The following DPYD variants were observed in gnomAD, a reference collection of about 807,000 sequenced individuals.
DPYD encodes dihydropyrimidine dehydrogenase.
DPYD carries 109 observed loss-of-function variants against 116.2 expected under a neutral mutation model. The ratio of observed to expected loss-of-function variants is 0.94; its 90% CI spans 0.80 to 1.10. The LOEUF is 1.10. DPYD is among the 50% of genes least tolerant of loss of function. The pLI is 0.00. For synonymous variants in DPYD, 440 were observed against 432.0 expected (o/e 1.02, Z -0.23); for missense variants, 1,302 against 1,254.5 (o/e 1.04, Z -0.57).
chr1:97,558,594 T>C (rs1447551213), intron 11 of DPYD, among the ~76,000 whole-genome samples: 1 of 152,178 alleles, frequency 6.6e-6, no homozygotes, highest in Non-Finnish European at 1.5e-5. Flanking sequence ...AATATGCTAG[T>C]AGAATTCAGT....
At chr1:97,661,722 T>C (rs1476734984) in intron 8 of DPYD, among the ~76,000 whole-genome samples, 3 of 152,130 alleles carry the variant, frequency 2.0e-5, no homozygotes, top group Non-Finnish European at 2.9e-5. Flanking sequence ...CATATCACTT[T>C]TATGATGAAC....
intron 13 of DPYD, among the ~76,000 whole-genome samples, chr1:97,466,646 A>G (rs1677339482): frequency 6.6e-6 from 1 of 152,132 alleles, no homozygotes; most frequent in South Asian, 2.1e-4. Context: ...ACCTTTTTCA[A>G]AAATGTTCTT....
In DPYD at chr1:97,289,959, C is replaced by T. The variant is rs1459066991; in HGVS notation, c.2299+15300G>A. Among the ~76,000 whole-genome samples the T allele has an allele frequency of 3.3e-5, 5 of 152,126 alleles. No homozygotes were observed. In the South Asian group the frequency reaches 8.3e-4, roughly 25 times the overall value. On this transcript the variant is annotated intron_variant, in intron 18 of 22. Coordinates refer to ENST00000370192, the MANE Select transcript of DPYD (RefSeq NM_000110.4). ...AAACCCCATTGTCTCAGCCCAAAAT[C>T]TCCTTAAGCTGATAAGCAACTTCAG...
At chr1:97,233,348 T>C (rs1239021243) in intron 19 of DPYD, among the ~76,000 whole-genome samples, 1 of 152,110 alleles carries the variant, frequency 6.6e-6, no homozygotes, top group Non-Finnish European at 1.5e-5. Flanking sequence ...AGACCTCCTC[T>C]ACTACTACTG....
At chr1:97,196,580 G>A (rs551325126) in intron 19 of DPYD, among the ~76,000 whole-genome samples, 4 of 152,134 alleles carry the variant, frequency 2.6e-5, no homozygotes, top group Admixed American at 6.6e-5. Flanking sequence ...AACATGATGC[G>A]GGCTCTTCTT....
At position 97,133,424 on chromosome 1, in the gene DPYD, C is replaced by G. The variant is rs569203479; in HGVS notation, c.2623-34792G>C. Among the ~76,000 whole-genome samples, 6 of 152,038 alleles carry G rather than the reference C, an allele frequency of 3.9e-5. No individual in the cohort carries two copies. In the South Asian group the frequency reaches 1.2e-3, roughly 32 times the overall value. The stretch of plus-strand genomic sequence containing the variant: ...TGCAGGGGAATCTGCTTGTTAGTGT[C>G]TTTTTCCTTTTTGTTGCTTTTAAAA... On this transcript the variant is annotated intron_variant, in intron 20 of 22. Coordinates refer to ENST00000370192, the MANE Select transcript of DPYD (RefSeq NM_000110.4).
intron 16 of DPYD, among the ~76,000 whole-genome samples, chr1:97,336,746 A>G (rs944981305): frequency 2.0e-5 from 3 of 152,162 alleles, no homozygotes; most frequent in Admixed American, 6.5e-5. Flanking sequence ...GCAAAACTCC[A>G]TCTCAAAACA....
At chr1:97,305,446 C>A (rs1667102324) in intron 17 of DPYD, 68 bp from the exon 18 acceptor site, 1 of 1,603,528 alleles carries the variant, frequency 6.2e-7, no homozygotes, top group Admixed American at 1.7e-5. Context: ...CCATTCAAAC[C>A]CTCACATCCC....
intron 10 of DPYD, among the ~76,000 whole-genome samples, chr1:97,582,942 T>G (rs1653794311): frequency 6.6e-6 from 1 of 152,118 alleles, no homozygotes; most frequent in South Asian, 2.1e-4. Flanking sequence ...TACATCTCTT[T>G]TAACAAGTAA....
intron 8 of DPYD, among the ~76,000 whole-genome samples, chr1:97,651,839 T>C (rs1256673791): frequency 6.6e-6 from 1 of 152,150 alleles, no homozygotes; most frequent in Non-Finnish European, 1.5e-5. Flanking sequence ...TCTATGAATA[T>C]ATTTAATATC....
intron 13 of DPYD, among the ~76,000 whole-genome samples, chr1:97,493,970 A>G (rs1469552066): frequency 6.6e-6 from 1 of 152,202 alleles, no homozygotes; most frequent in African/African-American, 2.4e-5. Flanking sequence ...GACTGTAGGG[A>G]CAGACAGAAG....
intron 13 of DPYD, among the ~76,000 whole-genome samples, chr1:97,485,259 A>G (rs1678554301): frequency 6.6e-6 from 1 of 152,070 alleles, no homozygotes; most frequent in Admixed American, 6.6e-5. Flanking sequence ...GTGCAGTGGA[A>G]CAATCAATCT....
intron 14 of DPYD, among the ~76,000 whole-genome samples, chr1:97,387,227 C>T (rs538057889): frequency 2.0e-5 from 3 of 152,172 alleles, no homozygotes; most frequent in Admixed American, 6.6e-5. Context: ...TTATGTTACA[C>T]AGTCTGGTGG....
chr1:97,332,603 C>A (rs1021243702), intron 16 of DPYD, among the ~76,000 whole-genome samples: 1 of 152,118 alleles, frequency 6.6e-6, no homozygotes, highest in Non-Finnish European at 1.5e-5. Flanking sequence ...TAGTTACCAA[C>A]AAAACGATAG....
intron 7 of DPYD, among the ~76,000 whole-genome samples, chr1:97,687,046 G>T (rs533778113): frequency 6.6e-6 from 1 of 152,224 alleles, no homozygotes; most frequent in African/African-American, 2.4e-5. Context: ...TAAGGCAAGC[G>T]GGTCACTTGA....
chr1:97,320,590 A>C (rs1668191344), intron 16 of DPYD, among the ~76,000 whole-genome samples: 1 of 77,228 alleles, frequency 1.3e-5, no homozygotes, highest in Non-Finnish European at 2.6e-5. Context: ...AAGAGGACAC[A>C]AACAAATGGA....
At chr1:97,763,514 C>A (rs1271879000) in intron 3 of DPYD, among the ~76,000 whole-genome samples, 1 of 151,982 alleles carries the variant, frequency 6.6e-6, no homozygotes, top group Non-Finnish European at 1.5e-5. Context: ...GCTGACCTAT[C>A]CCTTCTCTGA....
chr1:97,841,813 T>A (rs1328787517), intron 2 of DPYD, among the ~76,000 whole-genome samples: 1 of 152,034 alleles, frequency 6.6e-6, no homozygotes, highest in African/African-American at 2.4e-5. Flanking sequence ...ATTATGCTTA[T>A]TTTTTGTTTG....
At chr1:97,599,394 G>A (rs1178536977) in intron 8 of DPYD, among the ~76,000 whole-genome samples, 1 of 151,512 alleles carries the variant, frequency 6.6e-6, no homozygotes, top group Non-Finnish European at 1.5e-5. Context: ...TAGATGTTCT[G>A]TTACATATTA....
Sources: gnomAD v4.1 joint callset for allele counts (sites outside exome capture counted in the v4.1 genomes callset) on GRCh38, gnomAD v4.1.1 for gene constraint, MANE v1.5 for transcripts, NCBI Gene and HGNC (gene_info 2026-07-23, HGNC 2026-07-21) for gene names.